The following CATSPERB variants were observed in gnomAD, a reference collection of about 807,000 sequenced individuals.
CATSPERB encodes catsper channel auxiliary subunit beta.
Under a neutral mutation model 128.3 loss-of-function variants are expected in CATSPERB, and 93 were observed. That is an observed-to-expected ratio of 0.72 (90% CI 0.61 to 0.86). CATSPERB has a LOEUF of 0.86. Among genes scored for constraint, CATSPERB ranks in the 40% least tolerant of loss-of-function variants. CATSPERB has a pLI of 0.00. For synonymous variants in CATSPERB, 381 were observed against 448.8 expected (o/e 0.85, Z 1.91); for missense variants, 1,153 against 1,329.5 (o/e 0.87, Z 2.06).
At chr14:91,708,746 A>G (rs996993136) in intron 5 of CATSPERB, among the ~76,000 whole-genome samples, 1 of 152,242 alleles carries the variant, frequency 6.6e-6, no homozygotes, top group African/African-American at 2.4e-5. Flanking sequence ...AGATTTTAAT[A>G]TAACTATCCA....
chr14:91,701,132 G>A (rs148724856), intron 7 of CATSPERB, among the ~76,000 whole-genome samples: 2 of 152,292 alleles, frequency 1.3e-5, no homozygotes, highest in African/African-American at 4.8e-5. Context: ...GTCAAGTGGA[G>A]AGGAAGGCAG....
intron 11 of CATSPERB, among the ~76,000 whole-genome samples, chr14:91,682,381 C>T (rs1015730220): frequency 1.3e-5 from 2 of 152,166 alleles, no homozygotes; most frequent in Non-Finnish European, 2.9e-5. Flanking sequence ...GGTCAAGCAC[C>T]ACTGTGCACT....
intron 22 of CATSPERB, among the ~76,000 whole-genome samples, chr14:91,592,859 C>T (rs1284683616): frequency 6.6e-6 from 1 of 152,170 alleles, no homozygotes; most frequent in Non-Finnish European, 1.5e-5. Context: ...TTCATGGCAG[C>T]CCCTCCCATC....
chr14:91,627,504 G>T (rs1299132475), intron 17 of CATSPERB, among the ~76,000 whole-genome samples: 1 of 152,184 alleles, frequency 6.6e-6, no homozygotes, highest in Non-Finnish European at 1.5e-5. Context: ...AAAAAGGGTA[G>T]TTAGAACATG....
intron 5 of CATSPERB, among the ~76,000 whole-genome samples, chr14:91,710,866 G>T (rs1205338596): frequency 2.0e-5 from 3 of 152,106 alleles, no homozygotes; most frequent in Non-Finnish European, 4.4e-5. Context: ...GCTGTGGTGT[G>T]GTTAGTGACA....
chr14:91,671,080 T>C (rs1242947852), intron 13 of CATSPERB, among the ~76,000 whole-genome samples: 2 of 152,178 alleles, frequency 1.3e-5, no homozygotes, highest in Non-Finnish European at 2.9e-5. Context: ...AGAAAAAACT[T>C]TGGAGCCTTT....
At chr14:91,713,623 G>A (rs1895880931) in intron 5 of CATSPERB, among the ~76,000 whole-genome samples, 1 of 152,116 alleles carries the variant, frequency 6.6e-6, no homozygotes, top group Admixed American at 6.5e-5. Context: ...CTCACTTAAA[G>A]AGAAACAGAA....
intron 25 of CATSPERB, among the ~76,000 whole-genome samples, chr14:91,587,569 G>A (rs960652856): frequency 3.5e-5 from 5 of 141,858 alleles, no homozygotes; most frequent in East Asian, 4.1e-4. Context: ...GCTAATCCTC[G>A]TATTTGTGGC....
chr14:91,699,115 C>G (rs775966629), intron 7 of CATSPERB, among the ~76,000 whole-genome samples: 5 of 152,080 alleles, frequency 3.3e-5, no homozygotes, highest in Non-Finnish European at 7.3e-5. Flanking sequence ...TTGATGGGCA[C>G]TTAGGTTTGT....
Position 91,718,242 on chromosome 14 carries a change from A to G in CATSPERB, c.370+1176T>C, listed in dbSNP as rs117415879. On this transcript the variant is annotated intron_variant, in intron 5 of 26. Transcript: ENST00000256343. ...TTTAAAAATCACAGATAGCTCCAAT[A>G]AGAAAATTAATTTGAAAAACGTTGA... Among the ~76,000 whole-genome samples, 14 of 152,352 alleles carry G rather than the reference A, an allele frequency of 9.2e-5. No homozygotes were observed. In the East Asian group the frequency reaches 2.7e-3, roughly 29 times the overall value.
At chr14:91,688,885 G>A (rs1390310932) in intron 10 of CATSPERB, among the ~76,000 whole-genome samples, 1 of 152,128 alleles carries the variant, frequency 6.6e-6, no homozygotes, top group Admixed American at 6.5e-5. Flanking sequence ...ATTTAAAAAT[G>A]TTCTCGTTCA....
intron 7 of CATSPERB, among the ~76,000 whole-genome samples, chr14:91,695,087 C>T (rs1407580926): frequency 6.6e-6 from 1 of 150,908 alleles, no homozygotes; most frequent in Non-Finnish European, 1.5e-5. Flanking sequence ...ACAAACTTTG[C>T]CTTTCTGAGA....
At chr14:91,711,165 T>C (rs765628157) in intron 5 of CATSPERB, among the ~76,000 whole-genome samples, 34 of 152,186 alleles carry the variant, frequency 2.2e-4, no homozygotes, top group Non-Finnish European at 1.8e-4. Flanking sequence ...TTCCTCCACC[T>C]GATTATATTT....
intron 11 of CATSPERB, among the ~76,000 whole-genome samples, chr14:91,676,208 A>AGG (rs1271864062): frequency 6.6e-6 from 1 of 152,196 alleles, no homozygotes; most frequent in Non-Finnish European, 1.5e-5. Flanking sequence ...TTACACAGGC[A>AGG]TGCCTATTGG....
rs1486951066 is a variant in CATSPERB, at chr14:91,621,908, T to C, written c.1960A>G (p.Ile654Val). The change falls in exon 19 of 27, where the codon ATA (isoleucine) becomes GTA (valine). Residue 654 changes from isoleucine (I) to valine (V), a missense_variant. Ile to Val is a conservative substitution (Grantham distance 29, BLOSUM62 3). Transcript: ENST00000256343. Reference sequence around the variant, plus strand: ...CCGGGAAGCACTACAGTCTTCTCTATATCTGTATCTTCAAACAAGGCCTGA... The same window carrying C: ...CCGGGAAGCACTACAGTCTTCTCTACATCTGTATCTTCAAACAAGGCCTGA... ...VVQALFEDTD[I>V]EKTVVLPGYS... 6.2e-7 allele frequency: 1 copy of C among 1,605,918 alleles called. No homozygotes were observed. The highest frequency in any genetic ancestry group is 8.5e-7 in the Non-Finnish European group (1 of 1,176,054).
In CATSPERB at chr14:91,683,304, C is replaced by T. The variant is rs143103600; in HGVS notation, c.931+573G>A. ...GGTACCTCCTAACTATGGCCCTTCT[C>T]AGCGGGAAATAGCCAGATCGACTAT... On this transcript the variant is annotated intron_variant, in intron 11 of 26. Coordinates refer to ENST00000256343, the MANE Select transcript of CATSPERB (RefSeq NM_024764.4). Among the ~76,000 whole-genome samples the T allele has an allele frequency of 2.0e-3, 306 of 152,320 alleles. 1 individual carries two copies. The highest frequency in any genetic ancestry group is 7.0e-3 in the African/African-American group (291 of 41,572).
At chr14:91,624,776 A>G (rs773867653) in intron 18 of CATSPERB, 44 bp downstream of exon 18, 74 of 1,385,692 alleles carry the variant, frequency 5.3e-5, no homozygotes, top group Non-Finnish European at 6.5e-5. Flanking sequence ...ATAATTTTTC[A>G]TTTTTTTCTA....
intron 6 of CATSPERB, among the ~76,000 whole-genome samples, chr14:91,704,953 T>C (rs1315300094): frequency 2.6e-5 from 4 of 152,222 alleles, no homozygotes; most frequent in Admixed American, 6.5e-5. Context: ...ATGAGAGAGA[T>C]TGCTTTGGCC....
At chr14:91,697,094 G>A (rs1005791232) in intron 7 of CATSPERB, among the ~76,000 whole-genome samples, 3 of 152,158 alleles carry the variant, frequency 2.0e-5, no homozygotes, top group African/African-American at 7.2e-5. Context: ...TTTATAGGGA[G>A]TACTGAGTGC....
Sources: gnomAD v4.1 joint callset for allele counts (sites outside exome capture counted in the v4.1 genomes callset) on GRCh38, gnomAD v4.1.1 for gene constraint, MANE v1.5 for transcripts, NCBI Gene and HGNC (gene_info 2026-07-23, HGNC 2026-07-21) for gene names.